CERKL: variants seen among roughly 807,000 people sequenced by gnomAD.
CERKL encodes ceramide kinase-like protein.
In CERKL, 61 loss-of-function variants were observed where a neutral mutation model predicts 63.4. That is an observed-to-expected ratio of 0.96 (90% CI 0.78 to 1.19). The LOEUF (loss-of-function observed/expected upper bound fraction) is 1.19, where lower values mean the gene tolerates loss of function less well. CERKL is among the 50% of genes most tolerant of loss of function. The pLI, the probability that CERKL is intolerant of heterozygous loss-of-function variation, is 0.00. For synonymous variants in CERKL, 250 were observed against 230.5 expected (o/e 1.08, Z -0.77); for missense variants, 675 against 655.5 (o/e 1.03, Z -0.33).
At chr2:181,599,164 A>G (rs1685352158) in intron 2 of CERKL, among the ~76,000 whole-genome samples, 1 of 152,232 alleles carries the variant, frequency 6.6e-6, no homozygotes, top group Non-Finnish European at 1.5e-5. Flanking sequence ...AGGATATGAA[A>G]CATGAGATAG....
chr2:181,575,346 C>A (rs565160560), intron 2 of CERKL, among the ~76,000 whole-genome samples: 46 of 152,180 alleles, frequency 3.0e-4, no homozygotes, highest in Non-Finnish European at 5.1e-4. Flanking sequence ...CTCTGTTACA[C>A]GCGTTAAAGA....
chr2:181,624,222 T>C (rs1260484754), intron 1 of CERKL, among the ~76,000 whole-genome samples: 1 of 152,108 alleles, frequency 6.6e-6, no homozygotes, highest in African/African-American at 2.4e-5. Context: ...TGTGCTCTAA[T>C]GTACACTTTA....
chr2:181,642,890 C>T (rs1687506593), intron 1 of CERKL, among the ~76,000 whole-genome samples: 1 of 152,198 alleles, frequency 6.6e-6, no homozygotes, highest in Non-Finnish European at 1.5e-5. Flanking sequence ...TAAAGCTAGC[C>T]TCAACCAATT....
chr2:181,584,241 G>A (rs955413073), intron 2 of CERKL, among the ~76,000 whole-genome samples: 1 of 152,084 alleles, frequency 6.6e-6, no homozygotes, highest in African/African-American at 2.4e-5. Flanking sequence ...GCCAGGCATG[G>A]TGGCTCACTC....
At chr2:181,613,768 C>T (rs1394893382) in intron 1 of CERKL, among the ~76,000 whole-genome samples, 1 of 152,186 alleles carries the variant, frequency 6.6e-6, no homozygotes, top group African/African-American at 2.4e-5. Context: ...GTCAATATCT[C>T]ACATAGAAAA....
chr2:181,590,123 A>G (rs955831764), intron 2 of CERKL, among the ~76,000 whole-genome samples: 2 of 145,824 alleles, frequency 1.4e-5, no homozygotes, highest in Non-Finnish European at 3.0e-5. Context: ...CACCTGGCCC[A>G]TAATGGTTTT....
At chr2:181,568,831 C>T (rs1574458036) in intron 3 of CERKL, among the ~76,000 whole-genome samples, 1 of 147,092 alleles carries the variant, frequency 6.8e-6, no homozygotes, top group Admixed American at 6.8e-5. Context: ...GCTATCCCTC[C>T]CCCCTCCCAC....
Position 181,583,608 on chromosome 2 carries a change from A to G in CERKL, c.482-9724T>C, listed in dbSNP as rs1002185084. On this transcript the variant is annotated intron_variant, in intron 2 of 12. Transcript: ENST00000410087. The stretch of plus-strand genomic sequence containing the variant: ...TGCTCAAAGTATGGTCTTCAGAATG[A>G]AAGTCCAGCATCACCAGCAGCTCAC... Among the ~76,000 whole-genome samples, 8 of 152,338 alleles carry G rather than the reference A, an allele frequency of 5.3e-5. No individual in the cohort carries two copies. In the East Asian group the frequency reaches 1.3e-3, roughly 26 times the overall value.
intron 4 of CERKL, chr2:181,565,377 T>G (rs1688617113): frequency 1.6e-6 from 2 of 1,260,842 alleles, no homozygotes; most frequent in Admixed American, 3.4e-5. Context: ...GTCCAACACT[T>G]TAGCAAATTG....
intron 1 of CERKL, among the ~76,000 whole-genome samples, chr2:181,653,210 T>C (rs1322605532): frequency 2.0e-5 from 3 of 152,164 alleles, no homozygotes; most frequent in Non-Finnish European, 2.9e-5. Flanking sequence ...CACAATTAGA[T>C]ACACCTCACT....
intron 4 of CERKL, among the ~76,000 whole-genome samples, chr2:181,562,066 A>G (rs1688473519): frequency 6.6e-6 from 1 of 152,052 alleles, no homozygotes; most frequent in South Asian, 2.1e-4. Flanking sequence ...TCCCCTCTTC[A>G]GCCTTCTAAA....
At chr2:181,624,047 C>A (rs1451820895) in intron 1 of CERKL, among the ~76,000 whole-genome samples, 2 of 152,058 alleles carry the variant, frequency 1.3e-5, no homozygotes, top group Non-Finnish European at 2.9e-5. Flanking sequence ...GTGGCAAATG[C>A]ATACTTGGTG....
Position 181,538,092 on chromosome 2 carries a change from C to T in CERKL, c.*92G>A. On this transcript the variant is annotated 3_prime_UTR_variant, in exon 13 of 13. Coordinates refer to ENST00000410087, the MANE Select transcript of CERKL (RefSeq NM_201548.5). ...AAATTGTCTTCCATGAAACTGGTCC[C>T]AAAAAGGGTGGGGACCACAGGTTTA... 1 of 869,652 alleles carries T rather than the reference C, an allele frequency of 1.1e-6. No homozygotes were observed. 53.9% of individuals were successfully genotyped at this position (869,652 alleles called of 1,614,324 possible).
chr2:181,608,205 C>T (rs985260034), intron 1 of CERKL, among the ~76,000 whole-genome samples: 28 of 151,938 alleles, frequency 1.8e-4, no homozygotes, highest in Admixed American at 1.8e-3. Context: ...TCTACACATG[C>T]TTTGCCTTAT....
intron 3 of CERKL, among the ~76,000 whole-genome samples, chr2:181,571,680 T>C (rs1439165694): frequency 1.3e-5 from 2 of 152,072 alleles, no homozygotes; most frequent in Non-Finnish European, 2.9e-5. Context: ...GTAGTATACA[T>C]TGTTGAGAGC....
rs780303749 is a variant in CERKL at position 181,656,888 on chromosome 2, T to C, written c.119A>G (p.Glu40Gly). ...GAGCAGAATCCGCTCGGCCGCCGCC[T>C]CCGTCTGCTGCGGGGACGTTAACAG... ...PALLTSPQQT[E>G]AAAERILLRG... is the part of the protein sequence containing the mutation. The change falls in exon 1 of 13, where the codon GAG (glutamate) becomes GGG (glycine). Residue 40 changes from glutamate to glycine, a missense_variant. Coordinates refer to ENST00000410087, the MANE Select transcript of CERKL (RefSeq NM_201548.5). The C allele has an allele frequency of 6.2e-7, 1 of 1,605,326 alleles. No individual in the cohort carries two copies. The highest frequency in any genetic ancestry group is 8.5e-7 in the Non-Finnish European group (1 of 1,175,090).
At chr2:181,568,578 A>T (rs1284169878) in intron 3 of CERKL, among the ~76,000 whole-genome samples, 1 of 152,176 alleles carries the variant, frequency 6.6e-6, no homozygotes, top group Non-Finnish European at 1.5e-5. Flanking sequence ...AAGTATCTGT[A>T]ACCAGAATAT....
chr2:181,552,894 C>T (rs1362831735), intron 5 of CERKL, among the ~76,000 whole-genome samples: 1 of 152,014 alleles, frequency 6.6e-6, no homozygotes, highest in African/African-American at 2.4e-5. Context: ...AAAATGTTGC[C>T]TCTCAGGCCC....
chr2:181,559,649 C>T (rs1018589636), intron 4 of CERKL, among the ~76,000 whole-genome samples: 1 of 152,130 alleles, frequency 6.6e-6, no homozygotes, highest in Non-Finnish European at 1.5e-5. Context: ...GGCTGAGTCT[C>T]CTAATTTGTA....
Sources: gnomAD v4.1 joint callset for allele counts (sites outside exome capture counted in the v4.1 genomes callset) on GRCh38, gnomAD v4.1.1 for gene constraint, MANE v1.5 for transcripts, NCBI Gene and HGNC (gene_info 2026-07-23, HGNC 2026-07-21) for gene names.